PHTF2: variants seen among roughly 807,000 people sequenced by gnomAD.
PHTF2 encodes the protein putative homeodomain transcription factor 2, also known as protein PHTF2.
In PHTF2, 60 loss-of-function variants were observed where a neutral mutation model predicts 101.2. The observed-to-expected ratio is 0.59, with a 90% confidence interval of 0.48 to 0.73. PHTF2 has a LOEUF of 0.73. Among genes scored for constraint, PHTF2 ranks in the 30% least tolerant of loss-of-function variants. The probability of loss-of-function intolerance (pLI) is 0.00; values close to 1 mark genes in which losing one functional copy is unlikely to be tolerated. For synonymous variants in PHTF2, 311 were observed against 307.3 expected, an observed-to-expected ratio of 1.01 and a Z score of -0.13; for missense variants, 747 against 908.7, an observed-to-expected ratio of 0.82 and a Z score of 2.29.
intron 7 of PHTF2, among the ~76,000 whole-genome samples, chr7:77,904,080 A>G (rs12531239): frequency 0.17 from 25,690 of 152,100 alleles, 2,537 homozygotes; most frequent in African/African-American, 0.27. Context: ...CCATTTACCT[A>G]TTAAATGACA....
At chr7:77,854,867 G>C in intron 3 of PHTF2, 1 of 744,976 alleles carries the variant, frequency 1.3e-6, no homozygotes, top group East Asian at 2.5e-5. Flanking sequence ...TCTCTGTTCA[G>C]GGCAGCAGGC....
chr7:77,840,285 C>T, exon 2 of PHTF2: 1 of 1,607,834 alleles, frequency 6.2e-7, no homozygotes, highest in Non-Finnish European at 8.5e-7. Flanking sequence ...ATGCTATAGT[C>T]TGGTATCAAA....
intron 3 of PHTF2, among the ~76,000 whole-genome samples, chr7:77,881,000 A>G (rs1799365955): frequency 6.6e-6 from 1 of 152,026 alleles, no homozygotes; most frequent in Non-Finnish European, 1.5e-5. Flanking sequence ...GTATCCCTCC[A>G]ATCACTCTCT....
chr7:77,857,150 G>C (rs1290950812), intron 3 of PHTF2, among the ~76,000 whole-genome samples: 4 of 152,170 alleles, frequency 2.6e-5, no homozygotes, highest in African/African-American at 9.7e-5. Context: ...GACCTAAGCT[G>C]TCCTTTCATA....
At chr7:77,899,484 G>A (rs1429397291) in intron 5 of PHTF2, among the ~76,000 whole-genome samples, 3 of 151,922 alleles carry the variant, frequency 2.0e-5, no homozygotes, top group Non-Finnish European at 2.9e-5. Flanking sequence ...TATGAGGATC[G>A]ACTATATATA....
chr7:77,953,987 T>A, intron 19 of PHTF2, 93 bp downstream of exon 18: 1 of 925,670 alleles, frequency 1.1e-6, no homozygotes, highest in Non-Finnish European at 1.6e-6. Flanking sequence ...TGCGGTCATT[T>A]TGGTAAGATT....
intron 3 of PHTF2, among the ~76,000 whole-genome samples, chr7:77,892,863 C>T (rs2150797700): frequency 6.6e-6 from 1 of 152,330 alleles, no homozygotes; most frequent in African/African-American, 2.4e-5. Flanking sequence ...CATTTCACAA[C>T]TTTGTTTTCC....
At chr7:77,929,007 G>A in intron 11 of PHTF2, 102 bp from the exon 11 acceptor site, 2 of 749,816 alleles carry the variant, frequency 2.7e-6, no homozygotes. Flanking sequence ...GGGTGTATTT[G>A]TTGTTTTAGC....
intron 1 of PHTF2, among the ~76,000 whole-genome samples, chr7:77,809,964 A>G (rs1194579085): frequency 1.3e-5 from 2 of 152,210 alleles, no homozygotes; most frequent in East Asian, 1.9e-4. Flanking sequence ...GGAAGGTTGT[A>G]TGTGTATTAA....
At chr7:77,810,043 T>C (rs796878061) in intron 1 of PHTF2, among the ~76,000 whole-genome samples, 5 of 152,342 alleles carry the variant, frequency 3.3e-5, no homozygotes, top group African/African-American at 1.2e-4. Flanking sequence ...AAGCTTATCA[T>C]TTATGTTCTT....
intron 1 of PHTF2, among the ~76,000 whole-genome samples, chr7:77,839,415 T>C (rs1253758486): frequency 1.3e-5 from 2 of 152,230 alleles, no homozygotes; most frequent in Non-Finnish European, 2.9e-5. Flanking sequence ...GAAAAGATGC[T>C]TATGAAATGG....
rs386714883 is a variant in PHTF2 at position 77,935,128 on chromosome 7, CCCA to C, written c.1339-2580_1339-2578del. ...TGTTTTTCAGTGTACATTCCCCCCC[CCCA>C]CACACACACACAGAGGAATATAGCA... is the stretch of plus-strand genomic sequence containing the variant. On this transcript the variant is annotated intron_variant, in intron 12 of 19. Transcript: ENST00000416283. Among the ~76,000 whole-genome samples the C allele has an allele frequency of 1.5e-3, 100 of 66,212 alleles. 1 individual carries two copies. The highest frequency in any genetic ancestry group is 8.6e-3 in the East Asian group (12 of 1,394). The allele number at this position is 66,212 out of a possible 152,430, so 43.4% of individuals were successfully genotyped here.
chr7:77,880,283 A>G (rs559936643), intron 3 of PHTF2, among the ~76,000 whole-genome samples: 6 of 152,188 alleles, frequency 3.9e-5, no homozygotes, highest in Non-Finnish European at 8.8e-5. Context: ...CTAATCTTTT[A>G]TTTGTTTATG....
At chr7:77,927,408 C>T (rs1234062745) in intron 11 of PHTF2, among the ~76,000 whole-genome samples, 1 of 151,838 alleles carries the variant, frequency 6.6e-6, no homozygotes, top group East Asian at 1.9e-4. Flanking sequence ...CCAGCCTGGC[C>T]AACATGGTGA....
chr7:77,825,081 T>TA (rs1354517548), intron 1 of PHTF2, among the ~76,000 whole-genome samples: 7 of 151,534 alleles, frequency 4.6e-5, no homozygotes, highest in Non-Finnish European at 8.8e-5. Context: ...GATTTCTGAG[T>TA]AAAAATGAAG....
intron 19 of PHTF2, among the ~76,000 whole-genome samples, chr7:77,954,612 G>GTGTATGTATATATA (rs1426693429): frequency 2.2e-5 from 2 of 90,200 alleles, no homozygotes; most frequent in African/African-American, 9.5e-5. Context: ...CAAGTACTGT[G>GTGTATGTATATATA]TATATATATA....
intron 1 of PHTF2, among the ~76,000 whole-genome samples, chr7:77,826,771 C>A (rs529784611): frequency 1.3e-5 from 2 of 152,304 alleles, no homozygotes; most frequent in East Asian, 3.9e-4. Context: ...AATTAGCAGT[C>A]TCTGCCATGC....
intron 11 of PHTF2, chr7:77,923,143 C>G: frequency 3.1e-6 from 3 of 980,468 alleles, no homozygotes; most frequent in Non-Finnish European, 3.6e-6. Context: ...TAAGTAACTT[C>G]CTTCATATTG....
intron 9 of PHTF2, among the ~76,000 whole-genome samples, chr7:77,914,065 C>CAA (rs777175186): frequency 3.5e-4 from 24 of 68,656 alleles, no homozygotes; most frequent in African/African-American, 1.2e-3. Flanking sequence ...GACTCTGTCT[C>CAA]AAAAAAAAAA....
Sources: allele counts gnomAD v4.1 joint callset (sites outside exome capture counted in the v4.1 genomes callset), GRCh38; gene constraint gnomAD v4.1.1; transcripts MANE v1.5; gene names NCBI Gene and HGNC (gene_info 2026-07-23, HGNC 2026-07-21).